The following URB2 variants were observed in gnomAD, a reference collection of about 807,000 sequenced individuals.
URB2 encodes unhealthy ribosome biogenesis protein 2 homolog.
In URB2, 86 loss-of-function variants were observed where a neutral mutation model predicts 120.9. The observed-to-expected ratio is 0.71, with a 90% confidence interval of 0.60 to 0.85. The LOEUF is 0.85. Ranked by LOEUF, URB2 falls within the 40% of genes least tolerant of loss-of-function variation. The pLI, the probability that URB2 is intolerant of heterozygous loss-of-function variation, is 0.00. For missense variants in URB2, 1,765 were observed against 1,836.5 expected, an observed-to-expected ratio of 0.96 and a Z score of 0.71; for synonymous variants, 755 against 758.4, an observed-to-expected ratio of 1.00 and a Z score of 0.07.
chr1:229,652,240 A>G (rs1378656935), intron 8 of URB2, among the ~76,000 whole-genome samples: 2 of 152,144 alleles, frequency 1.3e-5, no homozygotes, highest in African/African-American at 4.8e-5. Context: ...ATTTTGCAGT[A>G]TTTTGAAATT....
chr1:229,635,424 A>T lies in URB2; in HGVS notation c.811A>T (p.Met271Leu). Residue 271 changes from methionine (M) to leucine (L), a missense_variant, in exon 4 of 10, where the codon ATG (methionine) becomes TTG (leucine). Transcript: ENST00000258243. ...GCAAGGGGATGTGAAGACGGGAGCC[A>T]TGAAGAACCTTCTGGCTCCCATGGA... ...QQQGDVKTGA[M>L]KNLLAPMDTV... 6.2e-7 allele frequency: 1 copy of T among 1,613,978 alleles called. No individual in the cohort carries two copies. The highest frequency in any genetic ancestry group is 8.5e-7 in the Non-Finnish European group (1 of 1,179,932).
Position 229,659,405 on chromosome 1 carries a change from G to A in URB2, c.*108G>A. On this transcript the variant is annotated 3_prime_UTR_variant, in exon 10 of 10. Coordinates refer to ENST00000258243, the MANE Select transcript of URB2 (RefSeq NM_014777.4). ...TAAGATGTTCTAATTCGTAGTATTG[G>A]TATACATAGAAAATCCTTTGGGGTT... 1 of 1,183,466 alleles carries A rather than the reference G, an allele frequency of 8.4e-7. No homozygotes were observed. Among genetic ancestry groups the A allele is most frequent in the Non-Finnish European group, 1.2e-6 (1 of 840,898 alleles). The allele number at this position is 1,183,466 out of a possible 1,614,324, so 73.3% of individuals were successfully genotyped here.
chr1:229,630,934 A>G (rs1055435688), intron 2 of URB2, among the ~76,000 whole-genome samples: 3 of 142,716 alleles, frequency 2.1e-5, no homozygotes, highest in Non-Finnish European at 3.0e-5. Flanking sequence ...GTGAGCCGAG[A>G]TCGCGCCATT....
At position 229,635,587 on chromosome 1, in the gene URB2, T is replaced by C. The variant is rs1204029919; in HGVS notation, c.974T>C (p.Phe325Ser). The C allele has an allele frequency of 6.2e-7, 1 of 1,614,082 alleles. No homozygotes were observed. The highest frequency in any genetic ancestry group is 1.7e-5 in the Admixed American group (1 of 60,026). Residue 325 changes from phenylalanine (F) to serine (S), a missense_variant, in exon 4 of 10, where the codon TTC (phenylalanine) becomes TCC (serine). Physicochemically the swap from Phe to Ser is radical, Grantham distance 155. Coordinates refer to ENST00000258243, the MANE Select transcript of URB2 (RefSeq NM_014777.4). ...YFKEGNQLLCFQVLPRLFGCL... is the reference protein window; with the variant it reads ...YFKEGNQLLCSQVLPRLFGCL... ...AAGGAGGGAAACCAGCTTCTCTGCT[T>C]CCAGGTTCTCCCCAGGTTGTTTGGC...
intron 5 of URB2, among the ~76,000 whole-genome samples, chr1:229,644,787 G>A (rs936759157): frequency 6.6e-6 from 1 of 152,118 alleles, no homozygotes; most frequent in Non-Finnish European, 1.5e-5. Flanking sequence ...GACGGTGTGA[G>A]GCTGAAATAG....
intron 7 of URB2, chr1:229,650,982 C>A (rs1571881808): frequency 4.1e-6 from 1 of 241,892 alleles, no homozygotes. Flanking sequence ...GCCCCATAGA[C>A]CTCCTGAAGT....
intron 8 of URB2, among the ~76,000 whole-genome samples, chr1:229,652,449 T>C (rs1306881115): frequency 2.0e-5 from 3 of 152,180 alleles, no homozygotes; most frequent in Non-Finnish European, 4.4e-5. Context: ...ACCTAAGCAA[T>C]AGGCTTTTAA....
chr1:229,651,226 T>C lies in URB2; in HGVS notation c.4150-9T>C. ...ATGTACTTTTACATTCTGTTATCTG[T>C]CATTACAGGTAATGCTGAAAGCCAT... On this transcript the variant is annotated splice_polypyrimidine_tract_variant and intron_variant, in intron 7 of 9. Transcript: ENST00000258243. 1 of 1,597,898 alleles carries C rather than the reference T, an allele frequency of 6.3e-7. No homozygotes were observed. Among genetic ancestry groups the C allele is most frequent in the Non-Finnish European group, 8.5e-7 (1 of 1,174,582 alleles).
In URB2 at chr1:229,628,191, A is replaced by T. The variant is rs61825535; in HGVS notation, c.126+432A>T. On this transcript the variant is annotated intron_variant, in intron 2 of 9. Transcript: ENST00000258243. The stretch of plus-strand genomic sequence containing the variant: ...AGTATATATGTATATAATATATATA[A>T]TATATATGTATATATATTATACATA... 2.0e-3 allele frequency among the ~76,000 whole-genome samples: 171 copies of T among 85,604 alleles called. 2 individuals are homozygous for T. The highest frequency in any genetic ancestry group is 0.017 in the South Asian group (45 of 2,680). 56.2% of individuals were successfully genotyped at this position (85,604 alleles called of 152,430 possible). A position where few individuals can be genotyped will look rare whatever the true frequency, so the allele number is the denominator to read the frequency against.
Position 229,637,578 on chromosome 1 carries a change from A to C in URB2, c.2965A>C (p.Met989Leu). Residue 989 changes from methionine to leucine, a missense_variant, in exon 4 of 10, where the codon ATG (methionine) becomes CTG (leucine). Transcript: ENST00000258243. ...AGCTAGTAGTAGGTTCCTTATTGAG[A>C]TGGATGATCCCGCTTGGCTGGAATT... is the stretch of plus-strand genomic sequence containing the variant. ...FRASSRFLIE[M>L]DDPAWLEFLQ... 1.2e-5 allele frequency: 19 copies of C among 1,614,210 alleles called. No individual in the cohort carries two copies. The highest frequency in any genetic ancestry group is 1.6e-5 in the Non-Finnish European group (19 of 1,180,038).
chr1:229,643,559 C>T lies in URB2; in HGVS notation c.3661C>T (p.Gln1221Ter). 1 of 1,614,144 alleles carries T rather than the reference C, an allele frequency of 6.2e-7. No individual in the cohort carries two copies. Among genetic ancestry groups the T allele is most frequent in the Non-Finnish European group, 8.5e-7 (1 of 1,180,030 alleles). The change falls in exon 5 of 10, where the codon CAG becomes TAG. Residue 1221 changes from glutamine (Q) to a stop codon, truncating the protein, a stop_gained. Transcript: ENST00000258243. LOFTEE classifies it high-confidence loss of function. ...TCCTGAAATTCCTGTTCAGGTCACT[C>T]AGGATATTGAGCCTCATTTGGGAGC... The part of the protein sequence containing the change: ...ADPEIPVQVT[Q>*]DIEPHLGALF...
In URB2 at chr1:229,659,154, C is replaced by G. The variant is rs140673724; in HGVS notation, c.4432C>G (p.Leu1478Val). The G allele has an allele frequency of 1.2e-6, 2 of 1,613,056 alleles. No homozygotes were observed. The highest frequency in any genetic ancestry group is 2.2e-5 in the South Asian group (2 of 91,022). The change falls in exon 10 of 10, where the codon CTG (leucine) becomes GTG (valine). Residue 1478 changes from leucine (L) to valine (V), a missense_variant. Leu to Val is a conservative substitution (Grantham distance 32). Transcript: ENST00000258243. ...SLLQEGIYLI[L>V]DLCIEPDVQF... Reference sequence around the variant, plus strand: ...GCTGCAGGAGGGCATTTACCTCATCCTGGACCTCTGCATCGAGCCTGACGT... The same window carrying G: ...GCTGCAGGAGGGCATTTACCTCATCGTGGACCTCTGCATCGAGCCTGACGT...
chr1:229,651,198 C>T (rs759091965), intron 7 of URB2, 37 bp from the exon 8 acceptor site: 47 of 1,560,354 alleles, frequency 3.0e-5, no homozygotes, highest in East Asian at 1.6e-4. Context: ...TAAATAATCA[C>T]GTATGTACTT....
intron 2 of URB2, 93 bp downstream of exon 2, chr1:229,627,852 A>G: frequency 6.9e-7 from 1 of 1,439,770 alleles, no homozygotes; most frequent in East Asian, 2.4e-5. Context: ...AAATAAAAAA[A>G]TAGAGAAAAA....
intron 8 of URB2, among the ~76,000 whole-genome samples, chr1:229,651,630 C>T (rs1666275766): frequency 6.6e-6 from 1 of 152,102 alleles, no homozygotes; most frequent in Admixed American, 6.6e-5. Flanking sequence ...TGACTTACAA[C>T]CCCATTCCTG....
chr1:229,654,930 T>C (rs1666371912), intron 9 of URB2, among the ~76,000 whole-genome samples: 1 of 152,182 alleles, frequency 6.6e-6, no homozygotes, highest in East Asian at 1.9e-4. Flanking sequence ...TCTTGAGTTA[T>C]ATAAAAGGAG....
At chr1:229,634,859 C>T in intron 3 of URB2, 58 bp from the exon 4 acceptor site, 2 of 1,372,552 alleles carry the variant, frequency 1.5e-6, no homozygotes, top group Non-Finnish European at 9.6e-7. Flanking sequence ...TAATACTTTT[C>T]TTGTGTATGT....
chr1:229,632,199 C>A, intron 2 of URB2, 70 bp from the exon 3 acceptor site: 14 of 1,359,986 alleles, frequency 1.0e-5, no homozygotes, highest in East Asian at 8.3e-5. Context: ...CCTGTAATGT[C>A]CCTATAATGT....
chr1:229,628,117 A>AT (rs1338935799), intron 2 of URB2, among the ~76,000 whole-genome samples: 1 of 140,778 alleles, frequency 7.1e-6, no homozygotes, highest in African/African-American at 2.7e-5. Context: ...ATGTATATAT[A>AT]TGTATATATA....
Sources: gnomAD v4.1 joint callset for allele counts (sites outside exome capture counted in the v4.1 genomes callset) on GRCh38, gnomAD v4.1.1 for gene constraint, MANE v1.5 for transcripts, NCBI Gene and HGNC (gene_info 2026-07-23, HGNC 2026-07-21) for gene names.